ZDHHC6: variants seen among roughly 807,000 people sequenced by gnomAD.
ZDHHC6 encodes zDHHC palmitoyltransferase 6.
A neutral mutation model predicts 57.8 loss-of-function variants in ZDHHC6; 32 were observed. The ratio of observed to expected loss-of-function variants is 0.55; its 90% CI spans 0.42 to 0.74. ZDHHC6 has a LOEUF of 0.74. ZDHHC6 is among the 30% of genes least tolerant of loss of function. The probability of loss-of-function intolerance (pLI) is 0.00; values close to 1 mark genes in which losing one functional copy is unlikely to be tolerated. For synonymous variants in ZDHHC6, 128 were observed against 158.0 expected (o/e 0.81, Z 1.42); for missense variants, 433 against 500.7 (o/e 0.86, Z 1.29).
chr10:112,427,220 CA>C (rs1429799382), downstream of ZDHHC6: 2 of 1,610,930 alleles, frequency 1.2e-6, no homozygotes, highest in Admixed American at 3.4e-5. Flanking sequence ...TCTTCCAGGT[CA>C]AAGCCATTTT....
rs776617409 is a variant in ZDHHC6, at chr10:112,442,299, A to G, written c.412T>C (p.Tyr138His). 1.1e-5 allele frequency: 18 copies of G among 1,614,082 alleles called. No homozygotes were observed. Among genetic ancestry groups the G allele is most frequent in the Non-Finnish European group, 1.4e-5 (17 of 1,179,982 alleles). Reference protein sequence around the residue: ...HCPWINNCCGYQNHASFTLFL... With the variant: ...HCPWINNCCGHQNHASFTLFL... ...AGTGTGAACGAAGCATGATTTTGGT[A>G]ACCACAACAGTTGTTGATCCAAGGA... The change falls in exon 4 of 11, where the codon TAC (tyrosine) becomes CAC (histidine). Residue 138 changes from tyrosine (Y) to histidine (H), a missense_variant. By Grantham distance (83) the Tyr-to-His change is moderately conservative (BLOSUM62 2). Coordinates refer to ENST00000369405, the MANE Select transcript of ZDHHC6 (RefSeq NM_022494.3).
chr10:112,443,294 T>C (rs1846315538), intron 3 of ZDHHC6, among the ~76,000 whole-genome samples: 7 of 152,232 alleles, frequency 4.6e-5, no homozygotes, highest in Admixed American at 4.6e-4. Flanking sequence ...TGTATTTTTC[T>C]GGAAAATCTT....
chr10:112,444,152 G>A (rs941780110), intron 2 of ZDHHC6, among the ~76,000 whole-genome samples: 1 of 152,042 alleles, frequency 6.6e-6, no homozygotes, highest in African/African-American at 2.4e-5. Flanking sequence ...ACTTTCTATG[G>A]TCTACAATTT....
At chr10:112,442,052 A>C in intron 4 of ZDHHC6, 140 bp downstream of exon 4, 1 of 999,682 alleles carries the variant, frequency 1.0e-6, no homozygotes, top group Non-Finnish European at 1.4e-6. Flanking sequence ...AAAGGAACCC[A>C]TATACCAGTA....
At chr10:112,447,019 C>G (rs540807373), upstream of ZDHHC6, 6 of 295,692 alleles carry the variant, frequency 2.0e-5, no homozygotes, top group East Asian at 2.9e-4. Flanking sequence ...GCGTGTGGAT[C>G]CGGAGCCGAT....
downstream of ZDHHC6, chr10:112,426,770 G>A (rs1164589674): frequency 1.2e-6 from 2 of 1,611,352 alleles, no homozygotes; most frequent in African/African-American, 2.7e-5. Flanking sequence ...TGCTTTAAGT[G>A]ATGTTTTGTA....
intron 10 of ZDHHC6, among the ~76,000 whole-genome samples, chr10:112,432,022 G>A (rs1845086031): frequency 6.6e-6 from 1 of 152,176 alleles, no homozygotes; most frequent in African/African-American, 2.4e-5. Flanking sequence ...TTTTCGCATA[G>A]TTATGAGCTC....
chr10:112,434,634 A>G (rs1214444480), intron 6 of ZDHHC6, among the ~76,000 whole-genome samples, 170 bp from the exon 7 acceptor site: 2 of 152,202 alleles, frequency 1.3e-5, no homozygotes, highest in African/African-American at 4.8e-5. Context: ...ACAATATAGG[A>G]AGAACTTGAT....
downstream of ZDHHC6, chr10:112,426,500 G>T: frequency 1.5e-6 from 1 of 674,236 alleles, no homozygotes; most frequent in South Asian, 1.9e-5. Context: ...GGATAGGATG[G>T]AGAGTTTAAA....
intron 5 of ZDHHC6, among the ~76,000 whole-genome samples, chr10:112,439,915 T>C (rs1294753366): frequency 6.6e-6 from 1 of 152,056 alleles, no homozygotes. Context: ...TTATGGAGAT[T>C]AAATGAGCTA....
rs1846549183 is a variant in ZDHHC6 at position 112,445,286 on chromosome 10, T to G, written c.151A>C (p.Thr51Pro). 1 of 1,614,108 alleles carries G rather than the reference T, an allele frequency of 6.2e-7. No individual in the cohort carries two copies. Among genetic ancestry groups the G allele is most frequent in the Admixed American group, 1.7e-5 (1 of 60,004 alleles). The change falls in exon 2 of 11, where the codon ACA becomes CCA. Residue 51 changes from threonine (T) to proline (P), a missense_variant. Physicochemically the swap from Thr to Pro is conservative, Grantham distance 38. Coordinates refer to ENST00000369405, the MANE Select transcript of ZDHHC6 (RefSeq NM_022494.3). Reference protein sequence around the residue: ...DSVLWYWPLHTTGGSVNFIML... With the variant: ...DSVLWYWPLHPTGGSVNFIML... Reference sequence around the variant, plus strand: ...ATGAAATTCACACTTCCTCCAGTTGTATGTAAGGGCCAATACCACAACACA... The same window carrying G: ...ATGAAATTCACACTTCCTCCAGTTGGATGTAAGGGCCAATACCACAACACA...
downstream of ZDHHC6, among the ~76,000 whole-genome samples, chr10:112,428,848 G>A (rs1231542064): frequency 4.6e-5 from 7 of 152,064 alleles, no homozygotes; most frequent in African/African-American, 1.2e-4. Flanking sequence ...TTAAATGGCC[G>A]GATACAGCCT....
At chr10:112,435,399 A>G (rs190356963) in intron 6 of ZDHHC6, among the ~76,000 whole-genome samples, 316 of 152,344 alleles carry the variant, frequency 2.1e-3, no homozygotes, top group Non-Finnish European at 3.3e-3. Context: ...GTCTATGGCC[A>G]TACCATTCAG....
At chr10:112,443,755 T>A (rs1174799209) in intron 2 of ZDHHC6, 149 bp from the exon 3 acceptor site, 3 of 605,334 alleles carry the variant, frequency 5.0e-6, no homozygotes, top group East Asian at 3.0e-5. Context: ...AAAATATTTT[T>A]AAATAAGTTT....
intron 10 of ZDHHC6, among the ~76,000 whole-genome samples, chr10:112,431,574 A>G (rs1227240063): frequency 6.6e-6 from 1 of 152,170 alleles, no homozygotes; most frequent in East Asian, 1.9e-4. Flanking sequence ...TTGGTCTCCC[A>G]AAGTCCTGGG....
At chr10:112,441,914 A>G (rs1846153436) in intron 4 of ZDHHC6, among the ~76,000 whole-genome samples, 1 of 152,228 alleles carries the variant, frequency 6.6e-6, no homozygotes, top group South Asian at 2.1e-4. Context: ...TTCCATAACT[A>G]TTAAGTTTGA....
In ZDHHC6 at chr10:112,445,578, C is replaced by G; in HGVS notation, c.-142G>C. The G allele has an allele frequency of 1.0e-6, 1 of 965,530 alleles. No homozygotes were observed. The highest frequency in any genetic ancestry group is 1.8e-5 in the South Asian group (1 of 54,984). 59.8% of individuals were successfully genotyped at this position (965,530 alleles called of 1,614,324 possible). A position where few individuals can be genotyped will look rare whatever the true frequency, so the allele number is the denominator to read the frequency against. ...TGTGAACTGTTAACGCAGATTACAC[C>G]ATTTTCACTGTCAGGCACCCAAAGC... On this transcript the variant is annotated 5_prime_UTR_variant, in exon 2 of 11. The change abolishes an upstream ATG in the 5' untranslated region. Coordinates refer to ENST00000369405, the MANE Select transcript of ZDHHC6 (RefSeq NM_022494.3).
chr10:112,445,142 G>T, intron 2 of ZDHHC6, 28 bp downstream of exon 2: 1 of 1,597,044 alleles, frequency 6.3e-7, no homozygotes, highest in Non-Finnish European at 8.5e-7. Context: ...TATCATTAAA[G>T]TTCATTGTCT....
rs1180396456 is a variant in ZDHHC6, at chr10:112,440,669, C to T, written c.546G>A (p.Lys182=). 4 of 1,613,764 alleles carry T rather than the reference C, an allele frequency of 2.5e-6. No homozygotes were observed. Among genetic ancestry groups the T allele is most frequent in the Non-Finnish European group, 3.4e-6 (4 of 1,179,790 alleles). Residue 182 remains lysine (K), a synonymous_variant, in exon 5 of 11, where the codon AAG becomes AAA. Coordinates refer to ENST00000369405, the MANE Select transcript of ZDHHC6 (RefSeq NM_022494.3). ...HRLSFGWNTV[K]IDMSAARRDP... is the part of the protein sequence containing the mutation. ...CTCTCCGGGCTGCACTCATGTCGATCTTCACTGTGTTCCACCCAAAGGAGA... is the reference window on the plus strand; with the variant it reads ...CTCTCCGGGCTGCACTCATGTCGATTTTCACTGTGTTCCACCCAAAGGAGA...
Sources: gnomAD v4.1 joint callset for allele counts (sites outside exome capture counted in the v4.1 genomes callset) on GRCh38, gnomAD v4.1.1 for gene constraint, MANE v1.5 for transcripts, NCBI Gene and HGNC (gene_info 2026-07-23, HGNC 2026-07-21) for gene names.